The following VCL variants were observed in gnomAD, a reference collection of about 807,000 sequenced individuals.
The protein encoded by VCL is vinculin.
In VCL, 47 loss-of-function variants were observed where a neutral mutation model predicts 125.7. That is an observed-to-expected ratio of 0.37 (90% confidence interval 0.30 to 0.48). VCL has a LOEUF of 0.48. VCL is among the 20% of genes least tolerant of loss of function. The probability of loss-of-function intolerance (pLI) is 0.99; values close to 1 mark genes in which losing one functional copy is unlikely to be tolerated. For missense variants in VCL, 1,069 were observed against 1,455.5 expected (o/e 0.73, Z 4.32); for synonymous variants, 458 against 514.6 (o/e 0.89, Z 1.49).
chr10:74,032,240 TAAAAAA>T (rs770412004), intron 1 of VCL, among the ~76,000 whole-genome samples: 4 of 75,998 alleles, frequency 5.3e-5, no homozygotes, highest in African/African-American at 8.9e-5. Context: ...TGTTTCAGAA[TAAAAAA>T]AAAAAAAAAA....
intron 1 of VCL, among the ~76,000 whole-genome samples, chr10:74,031,481 A>G (rs1249839556): frequency 2.0e-5 from 3 of 152,220 alleles, no homozygotes; most frequent in African/African-American, 4.8e-5. Context: ...ACCTAACTAT[A>G]AGAGCTAAAA....
chr10:74,050,383 C>A (rs1350764006), intron 2 of VCL, among the ~76,000 whole-genome samples: 1 of 152,070 alleles, frequency 6.6e-6, no homozygotes, highest in African/African-American at 2.4e-5. Context: ...TTGTTTTAAC[C>A]CTTAAACTTT....
intron 2 of VCL, among the ~76,000 whole-genome samples, chr10:74,066,220 C>T (rs553835767): frequency 6.6e-6 from 1 of 152,046 alleles, no homozygotes; most frequent in Non-Finnish European, 1.5e-5. Context: ...CCACCACGCC[C>T]AGCAAATTTT....
chr10:74,104,104 T>C (rs1175423690), intron 15 of VCL, among the ~76,000 whole-genome samples, 176 bp downstream of exon 15: 4 of 152,214 alleles, frequency 2.6e-5, no homozygotes, highest in African/African-American at 9.6e-5. Context: ...CATTCAAGCC[T>C]TGCAACTTTG....
At position 74,112,129 on chromosome 10, in the gene VCL, C is replaced by G. The variant is rs1326078567; in HGVS notation, c.2949+17C>G. On this transcript the variant is annotated intron_variant, in intron 19 of 21. Transcript: ENST00000211998. The stretch of plus-strand genomic sequence containing the variant: ...TCTAGTAAGGTACTGATAAGCACCC[C>G]CAGTTGGGGGCTGCTCCATATGCAT... The G allele has an allele frequency of 6.2e-7, 1 of 1,614,044 alleles. No individual in the cohort carries two copies. The highest frequency in any genetic ancestry group is 1.7e-5 in the Admixed American group (1 of 60,012).
intron 1 of VCL, among the ~76,000 whole-genome samples, chr10:74,008,839 C>T (rs902212002): frequency 1.3e-5 from 2 of 152,176 alleles, no homozygotes; most frequent in Non-Finnish European, 2.9e-5. Context: ...GGTCAGAATT[C>T]TTGATGAGGA....
At chr10:74,116,347 AG>A (rs1394395493) in intron 21 of VCL, among the ~76,000 whole-genome samples, 2 of 152,194 alleles carry the variant, frequency 1.3e-5, no homozygotes, top group African/African-American at 4.8e-5. Context: ...TATTCTATGA[AG>A]GGTTTGCACA....
intron 1 of VCL, among the ~76,000 whole-genome samples, chr10:74,034,314 TCTC>T (rs1217539182): frequency 6.6e-6 from 1 of 152,116 alleles, no homozygotes; most frequent in Non-Finnish European, 1.5e-5. Context: ...CCTCTCCACA[TCTC>T]CTCTCTACCC....
intron 2 of VCL, among the ~76,000 whole-genome samples, chr10:74,065,392 C>T (rs955080551): frequency 6.6e-6 from 1 of 152,080 alleles, no homozygotes; most frequent in African/African-American, 2.4e-5. Flanking sequence ...TTACCTCGGC[C>T]TCCCAGAGTG....
intron 1 of VCL, among the ~76,000 whole-genome samples, chr10:74,015,534 C>CT (rs1270233326): frequency 1.3e-5 from 2 of 151,558 alleles, no homozygotes; most frequent in South Asian, 2.1e-4. Flanking sequence ...GAGGGAAACT[C>CT]TGTCTCCAAA....
At chr10:74,080,192 A>G (rs1436482275) in intron 6 of VCL, among the ~76,000 whole-genome samples, 1 of 151,820 alleles carries the variant, frequency 6.6e-6, no homozygotes, top group African/African-American at 2.4e-5. Context: ...TAGATTATGA[A>G]TTTGATTTCT....
At chr10:74,004,740 T>C (rs1004763503) in intron 1 of VCL, among the ~76,000 whole-genome samples, 3 of 151,840 alleles carry the variant, frequency 2.0e-5, no homozygotes, top group African/African-American at 7.3e-5. Flanking sequence ...AGTCTCACTC[T>C]CTTGCCCAGG....
At chr10:74,111,596 T>G (rs1302289581) in intron 18 of VCL, among the ~76,000 whole-genome samples, 2 of 152,226 alleles carry the variant, frequency 1.3e-5, no homozygotes. Flanking sequence ...CTTGTCAAGT[T>G]TGACTTTAGT....
At chr10:74,058,109 A>G (rs1358975099) in intron 2 of VCL, among the ~76,000 whole-genome samples, 2 of 152,206 alleles carry the variant, frequency 1.3e-5, no homozygotes, top group African/African-American at 4.8e-5. Flanking sequence ...GGCTAAGAAA[A>G]GAGGAAGAAT....
At chr10:74,011,771 G>A (rs1288654178) in intron 1 of VCL, among the ~76,000 whole-genome samples, 1 of 152,122 alleles carries the variant, frequency 6.6e-6, no homozygotes, top group African/African-American at 2.4e-5. Context: ...TGAACTTTTA[G>A]ATTCCAAAAA....
At chr10:74,081,740 G>A (rs11000868) in intron 6 of VCL, among the ~76,000 whole-genome samples, 19,255 of 152,014 alleles carry the variant, frequency 0.13, 3,531 homozygotes, top group African/African-American at 0.4. Flanking sequence ...GATAGTCCTC[G>A]TGAATCCTGG....
intron 10 of VCL, among the ~76,000 whole-genome samples, chr10:74,091,878 CTAT>C (rs1163768554): frequency 6.9e-6 from 1 of 145,828 alleles, no homozygotes; most frequent in Non-Finnish European, 1.5e-5. Flanking sequence ...CGCGGATGGG[CTAT>C]TATTTTTATT....
intron 2 of VCL, 63 bp from the exon 3 acceptor site, chr10:74,070,607 A>T: frequency 6.2e-7 from 1 of 1,606,270 alleles, no homozygotes; most frequent in Non-Finnish European, 8.5e-7. Context: ...CTCTCTTTGT[A>T]TTTGCATATG....
At chr10:74,107,470 T>G in intron 17 of VCL, 116 bp downstream of exon 17, 1 of 1,547,392 alleles carries the variant, frequency 6.5e-7, no homozygotes, top group Non-Finnish European at 8.8e-7. Context: ...TAGCTTTCAT[T>G]TGAAGCTTAG....
Sources: allele counts gnomAD v4.1 joint callset (sites outside exome capture counted in the v4.1 genomes callset), GRCh38; gene constraint gnomAD v4.1.1; transcripts MANE v1.5; gene names NCBI Gene and HGNC (gene_info 2026-07-23, HGNC 2026-07-21).